TMEM70: variants seen among roughly 807,000 people sequenced by gnomAD.
TMEM70 encodes transmembrane protein 70, mitochondrial.
In TMEM70, 15 loss-of-function variants were observed where a neutral mutation model predicts 20.5. The ratio of observed to expected loss-of-function variants is 0.73; its 90% CI spans 0.49 to 1.13. The LOEUF (loss-of-function observed/expected upper bound fraction) is 1.13. Ranked by LOEUF, TMEM70 falls within the 50% of genes most tolerant of loss-of-function variation. The pLI is 0.00. For missense variants in TMEM70, 344 were observed against 331.7 expected, an observed-to-expected ratio of 1.04 and a Z score of -0.29; for synonymous variants, 141 against 134.2, an observed-to-expected ratio of 1.05 and a Z score of -0.35.
Position 73,978,866 on chromosome 8 carries a change from G to C in TMEM70, c.316+5G>C. ...ATATGGCCCGAGCAGTGTTTGGTAA[G>C]TAATTGGAGGTGGGTGTACTTACTT... On this transcript the variant is annotated splice_donor_5th_base_variant and intron_variant, in intron 2 of 2. Transcript: ENST00000312184. 1 of 1,614,052 alleles carries C rather than the reference G, an allele frequency of 6.2e-7. No individual in the cohort carries two copies. The highest frequency in any genetic ancestry group is 8.5e-7 in the Non-Finnish European group (1 of 1,179,988).
chr8:73,982,694 A>G lies in TMEM70; in HGVS notation c.*1073A>G, dbSNP rs570391123. The G allele has an allele frequency of 1.5e-5, 7 of 458,144 alleles. No homozygotes were observed. Among genetic ancestry groups the G allele is most frequent in the South Asian group, 6.2e-5 (4 of 64,524 alleles). 28.4% of individuals were successfully genotyped at this position (458,144 alleles called of 1,614,324 possible). The stretch of plus-strand genomic sequence containing the variant: ...AATGGTAAGTAGTGTTGTCTTCAGT[A>G]TCTTAATTTGTTTCTGCAACTGTGC... On this transcript the variant is annotated 3_prime_UTR_variant, in exon 3 of 3. Coordinates refer to ENST00000312184, the MANE Select transcript of TMEM70 (RefSeq NM_017866.6).
intron 1 of TMEM70, among the ~76,000 whole-genome samples, chr8:73,978,334 C>A (rs58785764): frequency 0.49 from 72,879 of 150,066 alleles, 17,867 homozygotes; most frequent in Admixed American, 0.54. Flanking sequence ...TGATCCGCCC[C>A]CCTCGGCCTC....
intron 1 of TMEM70, 24 bp downstream of exon 1, chr8:73,976,515 C>T (rs1184694920): frequency 8.0e-6 from 12 of 1,497,506 alleles, no homozygotes; most frequent in South Asian, 1.3e-5. Flanking sequence ...GGTCTGGTGT[C>T]CCAAGTGAGG....
chr8:73,982,220 G>T lies in TMEM70; in HGVS notation c.*599G>T. 1.8e-6 allele frequency: 1 copy of T among 570,156 alleles called. No individual in the cohort carries two copies. The highest frequency in any genetic ancestry group is 1.4e-5 in the South Asian group (1 of 72,490). The allele number at this position is 570,156 out of a possible 1,614,324, so 35.3% of individuals were successfully genotyped here. The stretch of plus-strand genomic sequence containing the variant: ...TAACGAGTTGCAACGTAAAATCCCT[G>T]GATAAGGTGTGTGCTGACTTGATCT... On this transcript the variant is annotated 3_prime_UTR_variant, in exon 3 of 3. Coordinates refer to ENST00000312184, the MANE Select transcript of TMEM70 (RefSeq NM_017866.6).
intron 2 of TMEM70, among the ~76,000 whole-genome samples, chr8:73,980,723 T>A (rs567056434): frequency 5.7e-4 from 87 of 152,370 alleles, no homozygotes; most frequent in African/African-American, 1.9e-3. Flanking sequence ...GCTGTTTTAA[T>A]CCTGGGCACT....
chr8:73,976,608 G>T, intron 1 of TMEM70, 117 bp downstream of exon 1: 1 of 1,078,332 alleles, frequency 9.3e-7, no homozygotes, highest in South Asian at 1.7e-5. Context: ...GCTGGAGCGC[G>T]GGAGGAGCCC....
At position 73,978,761 on chromosome 8, in the gene TMEM70, T is replaced by C; in HGVS notation, c.216T>C (p.Pro72=). Residue 72 remains proline (P), a synonymous_variant, in exon 2 of 3, where the codon CCT becomes CCC. Coordinates refer to ENST00000312184, the MANE Select transcript of TMEM70 (RefSeq NM_017866.6). ...AATGATCCCTGTTTCAATAGATCCC[T>C]GTTTATTGGGAAGGATATGTTCGAT... The part of the protein sequence containing the change: ...LLRRPGRAQI[P]VYWEGYVRFL... The C allele has an allele frequency of 6.2e-7, 1 of 1,613,874 alleles. No individual in the cohort carries two copies. Among genetic ancestry groups the C allele is most frequent in the Non-Finnish European group, 8.5e-7 (1 of 1,179,842 alleles).
At position 73,977,798 on chromosome 8, in the gene TMEM70, T is replaced by A. The variant is rs188650809; in HGVS notation, c.211-958T>A. Among the ~76,000 whole-genome samples the A allele has an allele frequency of 7.2e-5, 11 of 152,328 alleles. No individual in the cohort carries two copies. The East Asian group carries it at 2.1e-3, about 29-fold the overall frequency. ...TATAGACGTGTTCCATTACACCAGC[T>A]AAATGTATTTATTTTTTGAAAAGGT... On this transcript the variant is annotated intron_variant, in intron 1 of 2. Transcript: ENST00000312184.
rs769164904 is a variant in TMEM70, at chr8:73,976,375, C to T, written c.94C>T (p.Pro32Ser). 1.9e-6 allele frequency: 3 copies of T among 1,596,842 alleles called. No individual in the cohort carries two copies. In the South Asian group the frequency reaches 3.3e-5, roughly 18 times the overall value. ...ALCAAAALRG[P>S]RASVSRASSS... ...GTGTGCGGCCGCCGCGCTCCGAGGT[C>T]CCCGGGCCTCTGTCTCCCGGGCGTC... Residue 32 changes from proline to serine, a missense_variant, in exon 1 of 3, where the codon CCC becomes TCC. Coordinates refer to ENST00000312184, the MANE Select transcript of TMEM70 (RefSeq NM_017866.6).
In TMEM70 at chr8:73,981,623, C is replaced by T. The variant is rs773222859; in HGVS notation, c.*2C>T. 6.3e-7 allele frequency: 1 copy of T among 1,593,004 alleles called. No individual in the cohort carries two copies. Among genetic ancestry groups the T allele is most frequent in the Non-Finnish European group, 8.6e-7 (1 of 1,165,644 alleles). Reference sequence around the variant, plus strand: ...AAACGGCATAAAGATGACAAATGAGCCTATTTGTTAGTGTTCGTGCTCAAA... The same window carrying T: ...AAACGGCATAAAGATGACAAATGAGTCTATTTGTTAGTGTTCGTGCTCAAA... On this transcript the variant is annotated 3_prime_UTR_variant, in exon 3 of 3. Transcript: ENST00000312184.
At chr8:73,979,955 G>A (rs1815749480) in intron 2 of TMEM70, among the ~76,000 whole-genome samples, 1 of 152,182 alleles carries the variant, frequency 6.6e-6, no homozygotes, top group Non-Finnish European at 1.5e-5. Flanking sequence ...CTGGTCTCAA[G>A]CAGTCCTTCT....
chr8:73,978,686 C>T, intron 1 of TMEM70, 70 bp from the exon 2 acceptor site: 2 of 1,505,486 alleles, frequency 1.3e-6, no homozygotes, highest in Admixed American at 1.8e-5. Context: ...GAGCAAGACT[C>T]TGTCTCAAAA....
chr8:73,976,247 A>C lies in TMEM70; in HGVS notation c.-35A>C, dbSNP rs1232829490. On this transcript the variant is annotated 5_prime_UTR_variant, in exon 1 of 3. Coordinates refer to ENST00000312184, the MANE Select transcript of TMEM70 (RefSeq NM_017866.6). ...GTGTCTCGCAGTCGTGGACTCGTGC[A>C]GCTGGGGCGTCCGCAGCCGCTCGTC... is the stretch of plus-strand genomic sequence containing the variant. The C allele has an allele frequency of 1.9e-6, 3 of 1,581,684 alleles. No individual in the cohort carries two copies. Among genetic ancestry groups the C allele is most frequent in the Non-Finnish European group, 2.6e-6 (3 of 1,168,540 alleles).
rs1202800310 is a variant in TMEM70, at chr8:73,976,491, G to A, written c.210G>A (p.Gln70=). Residue 70 remains glutamine (Q), a splice_region_variant and synonymous_variant, in exon 1 of 3, where the codon CAG becomes CAA. Transcript: ENST00000312184. ...ARLLRRPGRA[Q]IPVYWEGYVR... ...TTCTCCGGCGTCCGGGTCGAGCGCA[G>A]GTAGGGCGTCCGAGGTCTGGTGTCC... 2.6e-6 allele frequency: 4 copies of A among 1,526,454 alleles called. No individual in the cohort carries two copies. Among genetic ancestry groups the A allele is most frequent in the Admixed American group, 4.0e-5 (2 of 50,254 alleles). The allele number at this position is 1,526,454 out of a possible 1,614,324, so 94.6% of individuals were successfully genotyped here.
In TMEM70 at chr8:73,982,207, A is replaced by G. The variant is rs1441928304; in HGVS notation, c.*586A>G. 1.8e-6 allele frequency: 1 copy of G among 562,098 alleles called. No homozygotes were observed. Among genetic ancestry groups the G allele is most frequent in the South Asian group, 1.4e-5 (1 of 72,468 alleles). The allele number at this position is 562,098 out of a possible 1,614,324, so 34.8% of individuals were successfully genotyped here. A position where few individuals can be genotyped will look rare whatever the true frequency, so the allele number is the denominator to read the frequency against. On this transcript the variant is annotated 3_prime_UTR_variant, in exon 3 of 3. Transcript: ENST00000312184. ...ATTCATATCACTCTAACGAGTTGCAACGTAAAATCCCTGGATAAGGTGTGT... is the reference window on the plus strand; with the variant it reads ...ATTCATATCACTCTAACGAGTTGCAGCGTAAAATCCCTGGATAAGGTGTGT...
rs1332762626 is a variant in TMEM70, at chr8:73,982,586, AAC to A, written c.*969_*970del. On this transcript the variant is annotated 3_prime_UTR_variant, in exon 3 of 3. Coordinates refer to ENST00000312184, the MANE Select transcript of TMEM70 (RefSeq NM_017866.6). The stretch of plus-strand genomic sequence containing the variant: ...CAGTTTTAAGTCTTCTTTGGTTCAG[AAC>A]ACAGGTTTTTGCCTAACCCCTGGCA... The A allele has an allele frequency of 2.0e-6, 1 of 489,306 alleles. No individual in the cohort carries two copies. The highest frequency in any genetic ancestry group is 1.9e-5 in the African/African-American group (1 of 51,510). 30.3% of individuals were successfully genotyped at this position (489,306 alleles called of 1,614,324 possible).
chr8:73,978,981 A>G, intron 2 of TMEM70, 120 bp downstream of exon 2: 1 of 1,295,606 alleles, frequency 7.7e-7, no homozygotes, highest in South Asian at 1.3e-5. Context: ...AAGGAAAATT[A>G]GATTTTCATT....
At position 73,982,405 on chromosome 8, in the gene TMEM70, A is replaced by G; in HGVS notation, c.*784A>G. On this transcript the variant is annotated 3_prime_UTR_variant, in exon 3 of 3. Coordinates refer to ENST00000312184, the MANE Select transcript of TMEM70 (RefSeq NM_017866.6). ...TCATTGACTTGCGCAGTCCTCAGAT[A>G]GTTAAGCAGATTACTTCCATCAGTA... 1.3e-6 allele frequency: 1 copy of G among 789,030 alleles called. No homozygotes were observed. Among genetic ancestry groups the G allele is most frequent in the Non-Finnish European group, 2.2e-6 (1 of 462,338 alleles). The allele number at this position is 789,030 out of a possible 1,614,324, so 48.9% of individuals were successfully genotyped here. A position where few individuals can be genotyped will look rare whatever the true frequency, so the allele number is the denominator to read the frequency against.
chr8:73,982,561 CA>C lies in TMEM70; in HGVS notation c.*941del, dbSNP rs1815839280. 1 of 506,408 alleles carries C rather than the reference CA, an allele frequency of 2.0e-6. No individual in the cohort carries two copies. The highest frequency in any genetic ancestry group is 1.9e-5 in the African/African-American group (1 of 52,076). The allele number at this position is 506,408 out of a possible 1,614,324, so 31.4% of individuals were successfully genotyped here. ...TCAAGAAATTCACAAATTATGGGAG[CA>C]GTTTTAAGTCTTCTTTGGTTCAGAA... On this transcript the variant is annotated 3_prime_UTR_variant, in exon 3 of 3. Transcript: ENST00000312184.
Sources: allele counts gnomAD v4.1 joint callset (sites outside exome capture counted in the v4.1 genomes callset), GRCh38; gene constraint gnomAD v4.1.1; transcripts MANE v1.5; gene names NCBI Gene and HGNC (gene_info 2026-07-23, HGNC 2026-07-21).